Variants in FAF1 observed in about 807,000 individuals in gnomAD.
FAF1 encodes the protein FAS-associated factor 1.
FAF1 carries 25 observed loss-of-function variants against 92.5 expected under a neutral mutation model. The ratio of observed to expected loss-of-function variants is 0.27; its 90% CI spans 0.20 to 0.38. The LOEUF is 0.38. Ranked by LOEUF, FAF1 falls within the 10% of genes least tolerant of loss-of-function variation. FAF1 has a pLI of 1.00. For missense variants in FAF1, 636 were observed against 793.3 expected (o/e 0.80, Z 2.38); for synonymous variants, 234 against 273.2 (o/e 0.86, Z 1.42).
intron 18 of FAF1, among the ~76,000 whole-genome samples, chr1:50,445,156 A>C (rs1049729150): frequency 1.3e-5 from 2 of 151,966 alleles, no homozygotes; most frequent in African/African-American, 2.4e-5. Flanking sequence ...TTTAATGGTA[A>C]TTTCTAAGAC....
intron 15 of FAF1, among the ~76,000 whole-genome samples, chr1:50,509,588 G>C (rs1202672042): frequency 6.6e-6 from 1 of 152,070 alleles, no homozygotes; most frequent in African/African-American, 2.4e-5. Flanking sequence ...TTCTAGCTTG[G>C]GCAATGGAGT....
At chr1:50,719,778 C>A (rs912012725) in intron 6 of FAF1, among the ~76,000 whole-genome samples, 2 of 152,080 alleles carry the variant, frequency 1.3e-5, no homozygotes, top group Non-Finnish European at 1.5e-5. Flanking sequence ...TTAAATCAAC[C>A]GTAGAGAATA....
chr1:50,855,531 G>A (rs1475909150), intron 2 of FAF1, among the ~76,000 whole-genome samples: 1 of 151,810 alleles, frequency 6.6e-6, no homozygotes, highest in African/African-American at 2.4e-5. Context: ...ATGCAGATCA[G>A]TGATAGTCAT....
chr1:50,474,203 TC>T (rs1310828816), intron 18 of FAF1, among the ~76,000 whole-genome samples: 2 of 152,086 alleles, frequency 1.3e-5, no homozygotes. Context: ...AAAAATCAGA[TC>T]CCTCTTTTAC....
intron 1 of FAF1, among the ~76,000 whole-genome samples, chr1:50,952,038 C>T (rs148712777): frequency 7.1e-4 from 108 of 152,350 alleles, no homozygotes; most frequent in Non-Finnish European, 1.1e-3. Flanking sequence ...AGCTCATATG[C>T]AAAGTTTCAA....
chr1:50,884,703 T>C (rs186921256), intron 1 of FAF1, among the ~76,000 whole-genome samples: 2 of 152,304 alleles, frequency 1.3e-5, no homozygotes, highest in East Asian at 3.9e-4. Context: ...TAGTTGGGGA[T>C]ACTGAACTGT....
chr1:50,759,134 T>C (rs1375180572), intron 4 of FAF1, among the ~76,000 whole-genome samples: 1 of 152,042 alleles, frequency 6.6e-6, no homozygotes, highest in Non-Finnish European at 1.5e-5. Flanking sequence ...CTTAAATCTC[T>C]CTTTTATTTT....
chr1:50,891,569 T>G (rs1318316134), intron 1 of FAF1, among the ~76,000 whole-genome samples: 1 of 152,242 alleles, frequency 6.6e-6, no homozygotes. Context: ...TTAGTTTTCC[T>G]TCTAGCAATC....
chr1:50,900,669 C>T lies in FAF1; in HGVS notation c.46-42672G>A, dbSNP rs987523029. On this transcript the variant is annotated intron_variant, in intron 1 of 18. Transcript: ENST00000396153. ...TGAGATAAATTAAGCAACAAGCTCACAGCACATGCTCAGTAAGTCTCTTTT... is the reference window on the plus strand; with the variant it reads ...TGAGATAAATTAAGCAACAAGCTCATAGCACATGCTCAGTAAGTCTCTTTT... Among the ~76,000 whole-genome samples, 14 of 152,302 alleles carry T rather than the reference C, an allele frequency of 9.2e-5. 1 individual carries two copies. The South Asian group carries it at 2.7e-3, about 29-fold the overall frequency.
intron 4 of FAF1, among the ~76,000 whole-genome samples, chr1:50,758,530 T>C (rs1159222360): frequency 6.6e-6 from 1 of 152,250 alleles, no homozygotes; most frequent in Non-Finnish European, 1.5e-5. Context: ...TAAATGTCAA[T>C]TCTCATTTAA....
intron 8 of FAF1, among the ~76,000 whole-genome samples, chr1:50,617,637 T>C (rs919938529): frequency 5.9e-5 from 9 of 151,904 alleles, no homozygotes; most frequent in African/African-American, 2.2e-4. Context: ...CAGATTATAG[T>C]ATTAGGGTGA....
intron 4 of FAF1, among the ~76,000 whole-genome samples, chr1:50,786,781 G>T (rs1557527250): frequency 6.6e-6 from 1 of 152,166 alleles, no homozygotes; most frequent in Admixed American, 6.6e-5. Context: ...GGTGATAGAT[G>T]AAACTAGAAA....
intron 2 of FAF1, among the ~76,000 whole-genome samples, chr1:50,819,777 A>G (rs1473533950): frequency 4.0e-5 from 3 of 74,556 alleles, no homozygotes; most frequent in Non-Finnish European, 8.5e-5. Context: ...ATATATATAT[A>G]CATATATATA....
At chr1:50,554,377 A>G (rs1387487125) in intron 13 of FAF1, among the ~76,000 whole-genome samples, 2 of 109,944 alleles carry the variant, frequency 1.8e-5, no homozygotes, top group Admixed American at 9.8e-5. Flanking sequence ...ATATATATAT[A>G]TATATATATA....
At chr1:50,929,988 A>G (rs1174185572) in intron 1 of FAF1, among the ~76,000 whole-genome samples, 1 of 152,224 alleles carries the variant, frequency 6.6e-6, no homozygotes, top group Non-Finnish European at 1.5e-5. Context: ...ATTAAGCACC[A>G]AGATGCAAAT....
At chr1:50,799,313 TCTTACAG>T (rs1661885238) in intron 3 of FAF1, among the ~76,000 whole-genome samples, 2 of 152,200 alleles carry the variant, frequency 1.3e-5, no homozygotes, top group Non-Finnish European at 1.5e-5. Context: ...AACATTTACC[TCTTACAG>T]GTTGTAGTGA....
At chr1:50,760,325 C>T (rs939779543) in intron 4 of FAF1, among the ~76,000 whole-genome samples, 2 of 152,116 alleles carry the variant, frequency 1.3e-5, no homozygotes, top group Admixed American at 1.3e-4. Flanking sequence ...CTCAGCTCTG[C>T]ACCAAGCAGA....
chr1:50,450,779 A>G (rs1176909422), intron 18 of FAF1, among the ~76,000 whole-genome samples: 6 of 152,228 alleles, frequency 3.9e-5, no homozygotes, highest in South Asian at 4.1e-4. Flanking sequence ...TGGTAATAAT[A>G]AAGTCCTTTG....
intron 6 of FAF1, among the ~76,000 whole-genome samples, chr1:50,708,733 A>T (rs1250511754): frequency 6.6e-6 from 1 of 152,166 alleles, no homozygotes; most frequent in African/African-American, 2.4e-5. Context: ...AGAATGAGTC[A>T]GTTTAAAGGA....
Sources: allele counts gnomAD v4.1 joint callset (sites outside exome capture counted in the v4.1 genomes callset), GRCh38; gene constraint gnomAD v4.1.1; transcripts MANE v1.5; gene names NCBI Gene and HGNC (gene_info 2026-07-23, HGNC 2026-07-21).